Variants in ERP44 observed in about 807,000 individuals in gnomAD.
ERP44 encodes endoplasmic reticulum resident protein 44.
A neutral mutation model predicts 53.4 loss-of-function variants in ERP44; 25 were observed. That is an observed-to-expected ratio of 0.47 (90% CI 0.34 to 0.65). The LOEUF is 0.65. Ranked by LOEUF, ERP44 falls within the 30% of genes least tolerant of loss-of-function variation. ERP44 has a pLI of 0.01. For missense variants in ERP44, 338 were observed against 493.2 expected (o/e 0.69, Z 2.98); for synonymous variants, 145 against 161.2 (o/e 0.90, Z 0.76).
chr9:100,009,289 T>C (rs1830448904), intron 8 of ERP44, among the ~76,000 whole-genome samples: 1 of 152,018 alleles, frequency 6.6e-6, no homozygotes, highest in South Asian at 2.1e-4. Context: ...TTTTTTTGTA[T>C]ATTTAGTGGA....
chr9:99,990,620 A>C (rs552674832), intron 10 of ERP44, among the ~76,000 whole-genome samples: 6 of 152,336 alleles, frequency 3.9e-5, no homozygotes, highest in African/African-American at 1.4e-4. Flanking sequence ...TGAGCAAAAT[A>C]ACCAGCTAAC....
At chr9:100,054,973 G>A (rs1315695439) in intron 3 of ERP44, among the ~76,000 whole-genome samples, 1 of 152,108 alleles carries the variant, frequency 6.6e-6, no homozygotes, top group African/African-American at 2.4e-5. Flanking sequence ...AAATAGATAA[G>A]TCTTTGCAGA....
rs546135806 is a variant in ERP44 at position 100,094,742 on chromosome 9, C to A, written c.57+4042G>T. ...CTAACACTTTGGAAGGCAGGCAGATCAGTTGAGCCAGGAGTTCAAGACCAG... is the reference window on the plus strand; with the variant it reads ...CTAACACTTTGGAAGGCAGGCAGATAAGTTGAGCCAGGAGTTCAAGACCAG... On this transcript the variant is annotated intron_variant, in intron 1 of 11. Coordinates refer to ENST00000262455, the MANE Select transcript of ERP44 (RefSeq NM_015051.3). 1.8e-3 allele frequency among the ~76,000 whole-genome samples: 267 copies of A among 151,934 alleles called. 2 individuals are homozygous for A. Among genetic ancestry groups the A allele is most frequent in the African/African-American group, 6.2e-3 (255 of 41,446 alleles).
chr9:100,063,658 T>C (rs1289172862), intron 1 of ERP44, among the ~76,000 whole-genome samples: 3 of 152,098 alleles, frequency 2.0e-5, no homozygotes, highest in Admixed American at 2.0e-4. Flanking sequence ...AAAACTTACA[T>C]GGAAATTTTC....
chr9:99,993,290 C>T (rs1441408384), intron 10 of ERP44, among the ~76,000 whole-genome samples: 2 of 152,312 alleles, frequency 1.3e-5, no homozygotes, highest in South Asian at 2.1e-4. Context: ...ACCAAAACAG[C>T]ATGGTACTGG....
At chr9:100,085,932 C>T (rs374403099) in intron 1 of ERP44, among the ~76,000 whole-genome samples, 1 of 152,088 alleles carries the variant, frequency 6.6e-6, no homozygotes, top group Non-Finnish European at 1.5e-5. Flanking sequence ...CACACTTAAA[C>T]GGAATTTTTA....
At chr9:99,999,084 G>C (rs909262469) in intron 10 of ERP44, 10 of 697,582 alleles carry the variant, frequency 1.4e-5, no homozygotes, top group African/African-American at 7.1e-5. Context: ...GGAGCGCACG[G>C]CCGTTCCCAC....
At chr9:100,023,621 A>AT (rs1183197872) in intron 4 of ERP44, among the ~76,000 whole-genome samples, 1 of 151,674 alleles carries the variant, frequency 6.6e-6, no homozygotes, top group East Asian at 1.9e-4. Context: ...ATTTTTAATT[A>AT]TTTTTTGTAG....
At position 99,983,571 on chromosome 9, in the gene ERP44, AAAAAG is replaced by A. The variant is rs1564082612; in HGVS notation, c.1120-863_1120-859del. Among the ~76,000 whole-genome samples, 7 of 151,142 alleles carry A rather than the reference AAAAAG, an allele frequency of 4.6e-5. No individual in the cohort carries two copies. The South Asian group carries it at 8.3e-4, about 18-fold the overall frequency. ...CGTCTCAAAAAAAAAAAAAAAAAAA[AAAAAG>A]AAAAGGCAGTGCAGTCTATCCTCTA... is the stretch of plus-strand genomic sequence containing the variant. On this transcript the variant is annotated intron_variant, in intron 11 of 11. Transcript: ENST00000262455.
chr9:100,067,536 C>G (rs1447251719), intron 1 of ERP44, among the ~76,000 whole-genome samples: 4 of 152,130 alleles, frequency 2.6e-5, no homozygotes, highest in African/African-American at 7.2e-5. Flanking sequence ...GATCTCGGCT[C>G]GCCACAACCT....
At chr9:100,030,548 C>T (rs1381539658) in intron 4 of ERP44, among the ~76,000 whole-genome samples, 3 of 152,092 alleles carry the variant, frequency 2.0e-5, no homozygotes, top group Non-Finnish European at 4.4e-5. Flanking sequence ...AGAATACTTC[C>T]TAAAATTTAG....
intron 4 of ERP44, among the ~76,000 whole-genome samples, chr9:100,023,704 C>T (rs531676913): frequency 6.6e-6 from 1 of 152,208 alleles, no homozygotes; most frequent in Non-Finnish European, 1.5e-5. Context: ...GCCTCAGCCT[C>T]CCAAAGCTGG....
intron 1 of ERP44, among the ~76,000 whole-genome samples, chr9:100,078,274 G>C (rs1020916554): frequency 1.3e-5 from 2 of 148,342 alleles, no homozygotes; most frequent in Non-Finnish European, 3.0e-5. Flanking sequence ...CCTGGCCAAC[G>C]TGGTGAAACT....
rs58004954 is a variant in ERP44 at position 100,063,075 on chromosome 9, C to CAAAAAAAAAAAAAAAAAAA, written c.58-2904_58-2903insTTTTTTTTTTTTTTTTTTT. ...GATGACAGAACAGGACCCTGTCTCA[C>CAAAAAAAAAAAAAAAAAAA]AAAAAAAAAAAAAAAAAAGAGAGAG... On this transcript the variant is annotated intron_variant, in intron 1 of 11. Coordinates refer to ENST00000262455, the MANE Select transcript of ERP44 (RefSeq NM_015051.3). 6.3e-3 allele frequency among the ~76,000 whole-genome samples: 254 copies of CAAAAAAAAAAAAAAAAAAA among 40,000 alleles called. 52 individuals are homozygous for CAAAAAAAAAAAAAAAAAAA. The highest frequency in any genetic ancestry group is 7.5e-3 in the Admixed American group (19 of 2,518). 26.2% of individuals were successfully genotyped at this position (40,000 alleles called of 152,430 possible). A position where few individuals can be genotyped will look rare whatever the true frequency, so the allele number is the denominator to read the frequency against.
chr9:99,985,901 C>A (rs903529481), intron 10 of ERP44, among the ~76,000 whole-genome samples: 1 of 152,158 alleles, frequency 6.6e-6, no homozygotes, highest in Non-Finnish European at 1.5e-5. Context: ...TACACCCTTG[C>A]GGCATTCTCT....
chr9:100,021,974 G>T (rs1830594335), intron 5 of ERP44, 68 bp downstream of exon 5: 4 of 1,386,782 alleles, frequency 2.9e-6, no homozygotes, highest in Admixed American at 1.9e-5. Context: ...CAGATTTTTT[G>T]TTTGCATTAG....
intron 4 of ERP44, among the ~76,000 whole-genome samples, chr9:100,028,632 A>C (rs1168101687): frequency 6.6e-6 from 1 of 152,240 alleles, no homozygotes; most frequent in Non-Finnish European, 1.5e-5. Context: ...CTTTGAAGAA[A>C]AGTTGCTTAA....
intron 3 of ERP44, among the ~76,000 whole-genome samples, chr9:100,055,709 C>G (rs1826081613): frequency 6.6e-6 from 1 of 152,182 alleles, no homozygotes; most frequent in Non-Finnish European, 1.5e-5. Flanking sequence ...ATCAAAATAT[C>G]TCATGTGCCC....
intron 1 of ERP44, among the ~76,000 whole-genome samples, chr9:100,061,213 C>T (rs543968149): frequency 1.3e-5 from 2 of 152,162 alleles, no homozygotes; most frequent in South Asian, 2.1e-4. Flanking sequence ...GAGGCCAAGG[C>T]GGGCAGATCA....
Sources: gnomAD v4.1 joint callset for allele counts (sites outside exome capture counted in the v4.1 genomes callset) on GRCh38, gnomAD v4.1.1 for gene constraint, MANE v1.5 for transcripts, NCBI Gene and HGNC (gene_info 2026-07-23, HGNC 2026-07-21) for gene names.